MGAT4C: variants seen among roughly 807,000 people sequenced by gnomAD.
MGAT4C encodes the protein MGAT4 family member C.
In MGAT4C, 19 loss-of-function variants were observed where a neutral mutation model predicts 40.1. The ratio of observed to expected loss-of-function variants is 0.47; its 90% CI spans 0.33 to 0.70. The LOEUF is 0.70. Ranked by LOEUF, MGAT4C falls within the 30% of genes least tolerant of loss-of-function variation. MGAT4C has a pLI of 0.02. For synonymous variants in MGAT4C, 181 were observed against 187.1 expected, an observed-to-expected ratio of 0.97 and a Z score of 0.27; for missense variants, 491 against 563.2, an observed-to-expected ratio of 0.87 and a Z score of 1.30.
chr12:86,293,634 G>A (rs1324630445), intron 4 of MGAT4C, among the ~76,000 whole-genome samples: 3 of 152,126 alleles, frequency 2.0e-5, no homozygotes, highest in African/African-American at 7.2e-5. Context: ...ATTATGATAT[G>A]TTTGTAGCTT....
chr12:86,062,170 G>A (rs2137006018), intron 1 of MGAT4C, among the ~76,000 whole-genome samples: 1 of 152,306 alleles, frequency 6.6e-6, no homozygotes, highest in African/African-American at 2.4e-5. Flanking sequence ...GAAGCTTCCA[G>A]AGAAAGTAAC....
At position 86,518,821 on chromosome 12, in the gene MGAT4C, T is replaced by C. The variant is rs1407017136; in HGVS notation, c.-228-83556A>G. On this transcript the variant is annotated intron_variant, in intron 2 of 7. Coordinates refer to the MGAT4C transcript ENST00000548651. ...GTCAGGAGGAAAATTCCCAACTCAT[T>C]GTAGCTTATCTGTTCAATGAAATCC... Among the ~76,000 whole-genome samples, 4 of 152,230 alleles carry C rather than the reference T, an allele frequency of 2.6e-5. No homozygotes were observed. The South Asian group carries it at 6.2e-4, about 24-fold the overall frequency.
intron 3 of MGAT4C, among the ~76,000 whole-genome samples, chr12:86,402,049 T>C (rs1956373745): frequency 6.6e-6 from 1 of 151,976 alleles, no homozygotes; most frequent in Admixed American, 6.6e-5. Context: ...ATTAACATAT[T>C]ATTATATTAT....
intron 2 of MGAT4C, among the ~76,000 whole-genome samples, chr12:86,610,102 G>A (rs61950835): frequency 0.042 from 6,319 of 152,042 alleles, 185 homozygotes; most frequent in Non-Finnish European, 0.066. Context: ...ACCATGCATG[G>A]CAATTTTTTT....
Position 86,052,903 on chromosome 12 carries a change from G to A in MGAT4C, c.-56-3180C>T, listed in dbSNP as rs562329057. ...AAATATATCTTTCATTTGTGCAAGC[G>A]GTGCCTGCCAAGTAATAGGTTTCAT... On this transcript the variant is annotated intron_variant, in intron 1 of 4. Coordinates refer to ENST00000611864, the MANE Select transcript of MGAT4C (RefSeq NM_001351288.2). Among the ~76,000 whole-genome samples the A allele has an allele frequency of 4.6e-5, 7 of 151,960 alleles. 1 individual carries two copies. The highest frequency in any genetic ancestry group is 8.8e-5 in the Non-Finnish European group (6 of 67,926).
At chr12:86,566,038 C>A (rs757414565) in intron 2 of MGAT4C, among the ~76,000 whole-genome samples, 5 of 152,146 alleles carry the variant, frequency 3.3e-5, no homozygotes, top group Non-Finnish European at 7.3e-5. Flanking sequence ...CAGCCAGCTA[C>A]TTGGCGACAA....
chr12:86,703,765 T>C (rs1489076437), intron 2 of MGAT4C, among the ~76,000 whole-genome samples: 1 of 152,186 alleles, frequency 6.6e-6, no homozygotes, highest in Admixed American at 6.5e-5. Flanking sequence ...ATGCCTCTAC[T>C]TAAAATTTCA....
intron 2 of MGAT4C, among the ~76,000 whole-genome samples, chr12:86,519,135 T>C (rs1958747753): frequency 6.6e-6 from 1 of 152,178 alleles, no homozygotes; most frequent in South Asian, 2.1e-4. Flanking sequence ...CTCAAGTGCA[T>C]AAAATTCATC....
At chr12:86,451,110 G>A (rs1203792915) in intron 2 of MGAT4C, among the ~76,000 whole-genome samples, 1 of 152,092 alleles carries the variant, frequency 6.6e-6, no homozygotes, top group Non-Finnish European at 1.5e-5. Context: ...CCTAGTAGGA[G>A]GTGATTAGAT....
intron 1 of MGAT4C, among the ~76,000 whole-genome samples, chr12:86,055,587 T>C (rs914140140): frequency 2.0e-5 from 3 of 152,096 alleles, no homozygotes; most frequent in Non-Finnish European, 4.4e-5. Flanking sequence ...TGATCTTTAA[T>C]TGATTTGTCT....
chr12:86,181,474 A>T (rs555034775), intron 1 of MGAT4C, among the ~76,000 whole-genome samples: 1 of 152,346 alleles, frequency 6.6e-6, no homozygotes, highest in East Asian at 1.9e-4. Context: ...ATATTAAACT[A>T]TATAGTATAT....
chr12:86,249,953 T>C (rs900862487), intron 1 of MGAT4C, among the ~76,000 whole-genome samples: 3 of 152,180 alleles, frequency 2.0e-5, no homozygotes, highest in Non-Finnish European at 2.9e-5. Context: ...CAATGGATTG[T>C]AATTATTTAT....
At chr12:86,294,589 C>A (rs1275498401) in intron 4 of MGAT4C, among the ~76,000 whole-genome samples, 4 of 152,136 alleles carry the variant, frequency 2.6e-5, no homozygotes, top group African/African-American at 9.7e-5. Flanking sequence ...ATCTGGTTTT[C>A]TCCTTTCTGC....
At chr12:86,432,491 C>T (rs750266064) in intron 3 of MGAT4C, among the ~76,000 whole-genome samples, 1 of 151,846 alleles carries the variant, frequency 6.6e-6, no homozygotes, top group Middle Eastern at 3.4e-3. Context: ...AGGCATATAC[C>T]TGAGAAGTCA....
At chr12:86,006,180 T>C (rs372007374) in intron 2 of MGAT4C, among the ~76,000 whole-genome samples, 22 of 152,260 alleles carry the variant, frequency 1.4e-4, no homozygotes, top group African/African-American at 5.3e-4. Flanking sequence ...ATGGAAACAC[T>C]TCATGCTGTC....
At position 86,054,118 on chromosome 12, in the gene MGAT4C, T is replaced by C. The variant is rs576068538; in HGVS notation, c.-56-4395A>G. 1.8e-4 allele frequency among the ~76,000 whole-genome samples: 28 copies of C among 152,154 alleles called. No individual in the cohort carries two copies. In the South Asian group the frequency reaches 5.6e-3, roughly 30 times the overall value. On this transcript the variant is annotated intron_variant, in intron 1 of 4. Transcript: ENST00000611864. ...ACATAATCAAATGAAATGAAATCAG[T>C]ATGTCAAAGAGATACCTGCACTCCC...
intron 2 of MGAT4C, among the ~76,000 whole-genome samples, chr12:86,714,201 C>T (rs1950604463): frequency 1.3e-5 from 2 of 152,072 alleles, no homozygotes; most frequent in Admixed American, 6.6e-5. Context: ...GTATTTTTAC[C>T]AAAATGCAGG....
rs865907871 is a variant in MGAT4C at position 86,782,001 on chromosome 12, T to C, written c.-261-54760A>G. The stretch of plus-strand genomic sequence containing the variant: ...TATTCATAGACTTTTTATTTATTTA[T>C]TTATTTTTTGAGATGGCGTCTCGTT... On this transcript the variant is annotated intron_variant, in intron 1 of 7. Transcript: ENST00000548651. 1.3e-4 allele frequency among the ~76,000 whole-genome samples: 20 copies of C among 152,104 alleles called. No individual in the cohort carries two copies. The South Asian group carries it at 1.5e-3, about 11-fold the overall frequency.
chr12:86,603,566 G>GTCT (rs1961901466), intron 2 of MGAT4C, among the ~76,000 whole-genome samples: 1 of 109,598 alleles, frequency 9.1e-6, no homozygotes, highest in African/African-American at 3.7e-5. Context: ...ATAGTCTATA[G>GTCT]ACTATAGATA....
Sources: allele counts gnomAD v4.1 joint callset (sites outside exome capture counted in the v4.1 genomes callset), GRCh38; gene constraint gnomAD v4.1.1; transcripts MANE v1.5; gene names NCBI Gene and HGNC (gene_info 2026-07-23, HGNC 2026-07-21).